The following EML5 variants were observed in gnomAD, a reference collection of about 807,000 sequenced individuals.
EML5 encodes echinoderm microtubule-associated protein-like 5.
In EML5, 120 loss-of-function variants were observed where a neutral mutation model predicts 250.0. The observed-to-expected ratio is 0.48, with a 90% CI of 0.41 to 0.56. The LOEUF is 0.56. Ranked by LOEUF, EML5 falls within the 20% of genes least tolerant of loss-of-function variation. The probability of loss-of-function intolerance (pLI) is 0.00; values close to 1 mark genes in which losing one functional copy is unlikely to be tolerated. For missense variants in EML5, 2,006 were observed against 2,437.6 expected, an observed-to-expected ratio of 0.82 and a Z score of 3.73; for synonymous variants, 771 against 806.5, an observed-to-expected ratio of 0.96 and a Z score of 0.75.
intron 17 of EML5, among the ~76,000 whole-genome samples, chr14:88,690,525 G>T (rs2092932287): frequency 6.6e-6 from 1 of 152,202 alleles, no homozygotes; most frequent in Non-Finnish European, 1.5e-5. Flanking sequence ...GAGCAGCTGG[G>T]TGGAGTGGTG....
chr14:88,696,558 T>C (rs2093083805), intron 15 of EML5, among the ~76,000 whole-genome samples: 1 of 152,176 alleles, frequency 6.6e-6, no homozygotes, highest in African/African-American at 2.4e-5. Context: ...GCAAACCACC[T>C]GTGGTAACTG....
At chr14:88,618,145 G>T in intron 41 of EML5, 83 bp downstream of exon 41, 1 of 1,117,604 alleles carries the variant, frequency 8.9e-7, no homozygotes, top group Non-Finnish European at 1.3e-6. Context: ...TTCCTTATTG[G>T]AATGGCTCTA....
chr14:88,724,841 A>G (rs2093642980), intron 8 of EML5, among the ~76,000 whole-genome samples: 1 of 152,202 alleles, frequency 6.6e-6, no homozygotes, highest in Non-Finnish European at 1.5e-5. Context: ...AATGAGAAAA[A>G]GAACAGATGT....
At chr14:88,671,561 T>G (rs932350171) in intron 21 of EML5, among the ~76,000 whole-genome samples, 1 of 152,106 alleles carries the variant, frequency 6.6e-6, no homozygotes, top group Admixed American at 6.5e-5. Context: ...ATATTAACCT[T>G]AAATGTAAAT....
intron 1 of EML5, among the ~76,000 whole-genome samples, chr14:88,761,421 A>G (rs1247167215): frequency 6.6e-6 from 1 of 151,432 alleles, no homozygotes; most frequent in African/African-American, 2.4e-5. Flanking sequence ...TCATTGTTCA[A>G]CTCCCACTTA....
At chr14:88,680,122 TTG>T (rs1400288864) in intron 21 of EML5, among the ~76,000 whole-genome samples, 1 of 152,210 alleles carries the variant, frequency 6.6e-6, no homozygotes, top group East Asian at 1.9e-4. Context: ...TATTATGATT[TTG>T]TCTTTTTGTA....
rs1053543704 is a variant in EML5 at position 88,694,300 on chromosome 14, T to A, written c.2539+7A>T. 2 of 1,559,224 alleles carry A rather than the reference T, an allele frequency of 1.3e-6. No individual in the cohort carries two copies. The highest frequency in any genetic ancestry group is 2.7e-5 in the African/African-American group (2 of 73,644). The stretch of plus-strand genomic sequence containing the variant: ...TTCTATGGAGTAAAAAAGAAGCACT[T>A]TCTTACCTGCTTTACGCCAAAATTT... On this transcript the variant is annotated splice_region_variant and intron_variant, in intron 17 of 43. Coordinates refer to ENST00000554922, the MANE Select transcript of EML5 (RefSeq NM_183387.3).
chr14:88,629,064 G>C (rs1463463754), intron 33 of EML5, among the ~76,000 whole-genome samples: 1 of 151,924 alleles, frequency 6.6e-6, no homozygotes, highest in Non-Finnish European at 1.5e-5. Flanking sequence ...CCTCAATAAA[G>C]AATGTTAGGT....
intron 1 of EML5, among the ~76,000 whole-genome samples, chr14:88,767,603 C>G (rs1796224328): frequency 6.6e-6 from 1 of 152,098 alleles, no homozygotes; most frequent in Non-Finnish European, 1.5e-5. Context: ...CAATTCTTTT[C>G]TCAACTGTAT....
Position 88,615,997 on chromosome 14 carries a change from T to G in EML5, c.5898-143A>C, listed in dbSNP as rs145229922. On this transcript the variant is annotated intron_variant, in intron 43 of 43. Coordinates refer to ENST00000554922, the MANE Select transcript of EML5 (RefSeq NM_183387.3). ...CTTTTATTCTGTATTTGCATAAATA[T>G]GAGATTCTGAAGAGCCATCTGGTTA... The G allele has an allele frequency of 6.8e-4, 856 of 1,267,300 alleles. 11 individuals carry two copies. The East Asian group carries it at 0.019, about 28-fold the overall frequency. 78.5% of individuals were successfully genotyped at this position (1,267,300 alleles called of 1,614,324 possible).
chr14:88,714,995 C>T lies in EML5; in HGVS notation c.1388G>A (p.Ser463Asn). ...FITHLDWSSD[S>N]RYLQTNDGNG... ...TCCATCATTTGTCTGCAAATATCTA[C>T]TGTCTGAAGACCAGTCCAGATGAGT... The change falls in exon 9 of 44, where the codon AGT (serine) becomes AAT (asparagine). Residue 463 changes from serine (S) to asparagine (N), a missense_variant. Ser to Asn is a conservative substitution (Grantham distance 46, BLOSUM62 1). Coordinates refer to ENST00000554922, the MANE Select transcript of EML5 (RefSeq NM_183387.3). 1.2e-6 allele frequency: 2 copies of T among 1,613,710 alleles called. No individual in the cohort carries two copies. Among genetic ancestry groups the T allele is most frequent in the Non-Finnish European group, 8.5e-7 (1 of 1,179,792 alleles).
In EML5 at chr14:88,786,293, T is replaced by C. The variant is rs2094550515; in HGVS notation, c.197+6014A>G. ...CTCTTACAAACTATACATATATACA[T>C]GCATATATAAAAATTTACACACATA... On this transcript the variant is annotated intron_variant, in intron 1 of 43. Transcript: ENST00000554922. 2.6e-5 allele frequency among the ~76,000 whole-genome samples: 4 copies of C among 152,176 alleles called. No individual in the cohort carries two copies. In the South Asian group the frequency reaches 8.3e-4, roughly 31 times the overall value.
intron 1 of EML5, among the ~76,000 whole-genome samples, chr14:88,769,223 T>C (rs981646035): frequency 5.6e-4 from 85 of 152,292 alleles, no homozygotes; most frequent in African/African-American, 2.0e-3. Flanking sequence ...AGGAGATAAC[T>C]GGATCATGGG....
At position 88,741,509 on chromosome 14, in the gene EML5, A is replaced by C. The variant is rs186597145; in HGVS notation, c.526-937T>G. ...TTTGTTCTATTAGGTGGAATTAGGT[A>C]AATTTTTATAGTTCACGGAGAGAAA... is the stretch of plus-strand genomic sequence containing the variant. On this transcript the variant is annotated intron_variant, in intron 4 of 43. Coordinates refer to ENST00000554922, the MANE Select transcript of EML5 (RefSeq NM_183387.3). 3.1e-3 allele frequency among the ~76,000 whole-genome samples: 469 copies of C among 152,302 alleles called. 3 individuals carry two copies. The highest frequency in any genetic ancestry group is 5.4e-3 in the Non-Finnish European group (365 of 68,026).
chr14:88,699,849 G>A (rs983807005), intron 14 of EML5, among the ~76,000 whole-genome samples: 1 of 152,094 alleles, frequency 6.6e-6, no homozygotes, highest in Non-Finnish European at 1.5e-5. Flanking sequence ...CGATGAACAG[G>A]TTTGGAAGGG....
chr14:88,662,676 G>A (rs1246901430), intron 24 of EML5, among the ~76,000 whole-genome samples: 3 of 151,442 alleles, frequency 2.0e-5, no homozygotes, highest in Non-Finnish European at 4.4e-5. Flanking sequence ...CCAAGTAACT[G>A]GGACTATAGG....
intron 3 of EML5, 36 bp downstream of exon 3, chr14:88,746,149 C>T (rs1168863890): frequency 2.0e-6 from 3 of 1,519,616 alleles, no homozygotes; most frequent in Non-Finnish European, 2.7e-6. Context: ...CTTTCCCTTC[C>T]AGTACTCATT....
rs188832949 is a variant in EML5, at chr14:88,787,163, T to C, written c.197+5144A>G. On this transcript the variant is annotated intron_variant, in intron 1 of 43. Transcript: ENST00000554922. ...TTTCTTCTGATGACCCTTCTCCCTA[T>C]TGTCCTCAAAGACTTAGCTTAGGTA... 9.5e-4 allele frequency among the ~76,000 whole-genome samples: 145 copies of C among 152,366 alleles called. 1 individual carries two copies. Among genetic ancestry groups the C allele is most frequent in the African/African-American group, 3.0e-3 (126 of 41,588 alleles).
chr14:88,678,473 C>T (rs2092646028), intron 21 of EML5, among the ~76,000 whole-genome samples: 1 of 152,158 alleles, frequency 6.6e-6, no homozygotes, highest in Non-Finnish European at 1.5e-5. Flanking sequence ...TTTAAAGCCA[C>T]ATCTGCCCTA....
Sources: gnomAD v4.1 joint callset for allele counts (sites outside exome capture counted in the v4.1 genomes callset) on GRCh38, gnomAD v4.1.1 for gene constraint, MANE v1.5 for transcripts, NCBI Gene and HGNC (gene_info 2026-07-23, HGNC 2026-07-21) for gene names.